Variants in DGKB observed in about 807,000 individuals in gnomAD.
DGKB encodes the protein 90 kDa diacylglycerol kinase.
In DGKB, 67 loss-of-function variants were observed where a neutral mutation model predicts 114.3. The ratio of observed to expected loss-of-function variants is 0.59; its 90% confidence interval spans 0.48 to 0.72. DGKB has a LOEUF of 0.72. Ranked by LOEUF, DGKB falls within the 30% of genes least tolerant of loss-of-function variation. The probability of loss-of-function intolerance (pLI) is 0.00; values close to 1 mark genes in which losing one functional copy is unlikely to be tolerated. For synonymous variants in DGKB, 398 were observed against 323.1 expected (o/e 1.23, Z -2.49); for missense variants, 907 against 975.2 (o/e 0.93, Z 0.93).
intron 23 of DGKB, among the ~76,000 whole-genome samples, chr7:14,246,090 A>C (rs73069612): frequency 6.6e-6 from 1 of 152,124 alleles, no homozygotes; most frequent in Non-Finnish European, 1.5e-5. Flanking sequence ...AGGAGCCTTA[A>C]TAGGGGACAT....
chr7:14,836,496 T>A (rs1004205966), intron 2 of DGKB, among the ~76,000 whole-genome samples: 11 of 152,224 alleles, frequency 7.2e-5, no homozygotes, highest in Non-Finnish European at 1.5e-4. Context: ...TAGAAAATAT[T>A]GTTATCCATG....
intron 4 of DGKB, among the ~76,000 whole-genome samples, chr7:14,746,361 T>C (rs887063841): frequency 1.4e-4 from 22 of 152,088 alleles, no homozygotes; most frequent in Non-Finnish European, 2.5e-4. Flanking sequence ...TCATTCAGAG[T>C]TGTCCCAATA....
At position 14,746,016 on chromosome 7, in the gene DGKB, T is replaced by A. The variant is rs912261214; in HGVS notation, c.168+7912A>T. Among the ~76,000 whole-genome samples the A allele has an allele frequency of 1.7e-3, 259 of 152,336 alleles. 6 individuals carry two copies. Among genetic ancestry groups the A allele is most frequent in the Admixed American group, 0.017 (256 of 15,308 alleles). On this transcript the variant is annotated intron_variant, in intron 4 of 25. Transcript: ENST00000402815. ...ATACTGTTTTATTTTCTGACAGCTC[T>A]AAGCCTTAATTCCCTCTATATAAAG...
chr7:14,598,658 A>G (rs942620506), intron 17 of DGKB, among the ~76,000 whole-genome samples: 10 of 152,196 alleles, frequency 6.6e-5, no homozygotes. Flanking sequence ...GATTATTTTT[A>G]TTTAAAAGAC....
intron 2 of DGKB, among the ~76,000 whole-genome samples, chr7:14,759,257 C>A (rs993129875): frequency 2.0e-5 from 3 of 152,114 alleles, no homozygotes; most frequent in Non-Finnish European, 2.9e-5. Context: ...AGATAAAATT[C>A]GTGTCACATA....
chr7:14,588,112 G>C (rs1003468505), intron 17 of DGKB, among the ~76,000 whole-genome samples: 2 of 152,038 alleles, frequency 1.3e-5, no homozygotes, highest in African/African-American at 2.4e-5. Context: ...GTGCTCTATT[G>C]AATCCATTCT....
At chr7:14,485,732 G>GA (rs59229743) in intron 20 of DGKB, among the ~76,000 whole-genome samples, 84 of 149,166 alleles carry the variant, frequency 5.6e-4, no homozygotes, top group African/African-American at 1.3e-3. Context: ...TAAAAATACA[G>GA]AAAAAAAAAA....
chr7:14,274,369 T>G (rs1409574595), intron 23 of DGKB, among the ~76,000 whole-genome samples: 1 of 152,190 alleles, frequency 6.6e-6, no homozygotes, highest in Admixed American at 6.5e-5. Flanking sequence ...CTTACTAAAA[T>G]GCAGACCTCC....
chr7:14,825,657 G>A (rs1208741291), intron 2 of DGKB, among the ~76,000 whole-genome samples: 1 of 152,146 alleles, frequency 6.6e-6, no homozygotes, highest in Non-Finnish European at 1.5e-5. Flanking sequence ...CTCAGCTTTT[G>A]CTGTGCAGCC....
intron 23 of DGKB, among the ~76,000 whole-genome samples, chr7:14,313,597 C>A (rs1235283927): frequency 6.6e-6 from 1 of 152,170 alleles, no homozygotes. Flanking sequence ...CAGCGCACCA[C>A]GAGATTATAT....
At chr7:14,293,587 CA>C (rs2128475601) in intron 23 of DGKB, among the ~76,000 whole-genome samples, 1 of 152,174 alleles carries the variant, frequency 6.6e-6, no homozygotes, top group African/African-American at 2.4e-5. Flanking sequence ...ATGTCATCAC[CA>C]AAAATAACTA....
intron 1 of DGKB, among the ~76,000 whole-genome samples, chr7:14,920,927 AT>A (rs202228987): frequency 2.1e-4 from 32 of 151,882 alleles, no homozygotes; most frequent in African/African-American, 7.0e-4. Flanking sequence ...TTTTAAATTA[AT>A]TTTTTTTCAT....
intron 23 of DGKB, among the ~76,000 whole-genome samples, chr7:14,279,424 G>A (rs960389145): frequency 1.3e-5 from 2 of 152,276 alleles, no homozygotes; most frequent in South Asian, 4.1e-4. Flanking sequence ...CCACCTCTGG[G>A]GGCAGGGCAC....
At chr7:14,293,873 G>A (rs1253261718) in intron 23 of DGKB, among the ~76,000 whole-genome samples, 1 of 152,108 alleles carries the variant, frequency 6.6e-6, no homozygotes, top group African/African-American at 2.4e-5. Context: ...ACTTTGTACA[G>A]TCTGATTTTC....
intron 6 of DGKB, among the ~76,000 whole-genome samples, chr7:14,706,148 A>C (rs1826184416): frequency 2.1e-5 from 3 of 140,684 alleles, no homozygotes; most frequent in South Asian, 5.2e-4. Flanking sequence ...AAAACAAAAA[A>C]AGGCAGGGGT....
At chr7:14,262,867 A>C (rs1359657875) in intron 23 of DGKB, among the ~76,000 whole-genome samples, 1 of 152,142 alleles carries the variant, frequency 6.6e-6, no homozygotes, top group Admixed American at 6.5e-5. Flanking sequence ...GTCATTGCCC[A>C]GGGAACCAAG....
intron 1 of DGKB, among the ~76,000 whole-genome samples, chr7:14,942,772 A>T (rs1338196429): frequency 1.3e-5 from 2 of 152,058 alleles, no homozygotes; most frequent in East Asian, 3.9e-4. Context: ...TTTAGTCCTC[A>T]ATAAAAATTC....
At chr7:14,590,486 TGTC>T (rs1053010902) in intron 17 of DGKB, among the ~76,000 whole-genome samples, 3 of 152,102 alleles carry the variant, frequency 2.0e-5, no homozygotes, top group Non-Finnish European at 2.9e-5. Context: ...CTTTAAAAAT[TGTC>T]ATCATTGGTT....
intron 1 of DGKB, among the ~76,000 whole-genome samples, chr7:14,869,185 T>C (rs1319047569): frequency 2.0e-5 from 3 of 152,156 alleles, no homozygotes; most frequent in Non-Finnish European, 2.9e-5. Flanking sequence ...TTAAAAAAAA[T>C]TGTTCTTCAT....
Sources: allele counts gnomAD v4.1 joint callset (sites outside exome capture counted in the v4.1 genomes callset), GRCh38; gene constraint gnomAD v4.1.1; transcripts MANE v1.5; gene names NCBI Gene and HGNC (gene_info 2026-07-23, HGNC 2026-07-21).